TRIM33: variants seen among roughly 807,000 people sequenced by gnomAD.
The protein encoded by TRIM33 is tripartite motif containing 33, also known as E3 ubiquitin-protein ligase TRIM33.
In TRIM33, 20 loss-of-function variants were observed where a neutral mutation model predicts 125.4. The observed-to-expected ratio is 0.16, with a 90% CI of 0.11 to 0.23. The LOEUF (loss-of-function observed/expected upper bound fraction) is 0.23, where lower values mean the gene tolerates loss of function less well. TRIM33 is among the 10% of genes least tolerant of loss of function. The pLI, the probability that TRIM33 is intolerant of heterozygous loss-of-function variation, is 1.00. For missense variants in TRIM33, 920 were observed against 1,411.4 expected (o/e 0.65, Z 5.58); for synonymous variants, 564 against 513.9 (o/e 1.10, Z -1.32).
chr1:114,509,414 G>T (rs377397731), intron 1 of TRIM33, among the ~76,000 whole-genome samples: 1 of 152,188 alleles, frequency 6.6e-6, no homozygotes, highest in Non-Finnish European at 1.5e-5. Context: ...AAACATTAAC[G>T]TGTTTGATAG....
At chr1:114,499,593 G>C (rs1652588930) in intron 1 of TRIM33, among the ~76,000 whole-genome samples, 1 of 151,846 alleles carries the variant, frequency 6.6e-6, no homozygotes, top group Non-Finnish European at 1.5e-5. Context: ...ACAATACTAA[G>C]ATATAGTAAA....
intron 10 of TRIM33, among the ~76,000 whole-genome samples, chr1:114,423,148 C>A (rs2101150237): frequency 6.6e-6 from 1 of 152,258 alleles, no homozygotes; most frequent in South Asian, 2.1e-4. Flanking sequence ...CATGTAAACA[C>A]ACCCATTTTG....
intron 4 of TRIM33, among the ~76,000 whole-genome samples, chr1:114,436,610 A>G (rs143489535): frequency 0.026 from 3,919 of 151,956 alleles, 87 homozygotes; most frequent in Non-Finnish European, 0.034. Context: ...GACTACAGAC[A>G]TACACCACCA....
chr1:114,493,060 C>A (rs1652162840), intron 1 of TRIM33, among the ~76,000 whole-genome samples: 1 of 152,174 alleles, frequency 6.6e-6, no homozygotes, highest in Non-Finnish European at 1.5e-5. Context: ...ACATCCTTGC[C>A]AACACTTTGT....
At chr1:114,484,808 T>C (rs549027789) in intron 1 of TRIM33, among the ~76,000 whole-genome samples, 27 of 152,266 alleles carry the variant, frequency 1.8e-4, no homozygotes, top group Admixed American at 3.9e-4. Flanking sequence ...GAGGTTGCAG[T>C]GAGCCCACAT....
chr1:114,486,666 A>G lies in TRIM33; in HGVS notation c.527-22278T>C, dbSNP rs185364683. Among the ~76,000 whole-genome samples the G allele has an allele frequency of 3.5e-3, 528 of 152,068 alleles. 1 individual carries two copies. The highest frequency in any genetic ancestry group is 0.02 in the Middle Eastern group (6 of 294). On this transcript the variant is annotated intron_variant, in intron 1 of 19. Coordinates refer to ENST00000358465, the MANE Select transcript of TRIM33 (RefSeq NM_015906.4). ...GACCTTCAGGCAAAATCAAGAGACC[A>G]AAAGAAAAGAAAAGAAAAACAGAAC...
At chr1:114,423,359 T>C (rs909086600) in intron 10 of TRIM33, among the ~76,000 whole-genome samples, 2 of 152,138 alleles carry the variant, frequency 1.3e-5, no homozygotes, top group African/African-American at 4.8e-5. Flanking sequence ...GAAGTAGAAG[T>C]GTAATTCAAG....
At position 114,486,100 on chromosome 1, in the gene TRIM33, C is replaced by T. The variant is rs184991814; in HGVS notation, c.527-21712G>A. 2.9e-3 allele frequency among the ~76,000 whole-genome samples: 447 copies of T among 151,702 alleles called. 4 individuals are homozygous for T. Among genetic ancestry groups the T allele is most frequent in the African/African-American group, 0.01 (421 of 41,340 alleles). On this transcript the variant is annotated intron_variant, in intron 1 of 19. Transcript: ENST00000358465. ...GACCAGCCTGGCCAACACGGTGAAA[C>T]CCCCATCTCTACTAAAAATACAAAA...
At chr1:114,401,559 A>G (rs1360205772) in intron 16 of TRIM33, 96 bp from the exon 17 acceptor site, 1 of 936,142 alleles carries the variant, frequency 1.1e-6, no homozygotes, top group Non-Finnish European at 1.6e-6. Context: ...GTTTGATTAC[A>G]ACAAACTGAA....
chr1:114,470,103 A>G (rs1470669417), intron 1 of TRIM33, among the ~76,000 whole-genome samples: 1 of 152,234 alleles, frequency 6.6e-6, no homozygotes, highest in Non-Finnish European at 1.5e-5. Context: ...TAAACTAAGT[A>G]TAACTAATAT....
At chr1:114,472,506 G>A (rs1002301829) in intron 1 of TRIM33, among the ~76,000 whole-genome samples, 1 of 152,206 alleles carries the variant, frequency 6.6e-6, no homozygotes, top group African/African-American at 2.4e-5. Context: ...CCAGAGGCGG[G>A]CAGATCGCTT....
intron 4 of TRIM33, among the ~76,000 whole-genome samples, chr1:114,460,710 G>A (rs945894248): frequency 6.7e-6 from 1 of 149,982 alleles, no homozygotes. Context: ...CCCTTCTCCA[G>A]CCTTACTAGG....
At chr1:114,404,959 C>CT (rs1652142004) in intron 15 of TRIM33, 2 of 152,394 alleles carry the variant, frequency 1.3e-5, no homozygotes, top group Non-Finnish European at 2.9e-5. Context: ...TTTATGGTCT[C>CT]TGAAATCAAG....
rs1652190709 is a variant in TRIM33, at chr1:114,405,730, T to C, written c.2448A>G (p.Pro816=). The C allele has an allele frequency of 6.2e-7, 1 of 1,613,830 alleles. No individual in the cohort carries two copies. Among genetic ancestry groups the C allele is most frequent in the African/African-American group, 1.3e-5 (1 of 74,910 alleles). The change falls in exon 15 of 20, where the codon CCA becomes CCG. Residue 816 remains proline, a synonymous_variant. Coordinates refer to ENST00000358465, the MANE Select transcript of TRIM33 (RefSeq NM_015906.4). Reference sequence around the variant, plus strand: ...CTAGATGCAGGTTGGTTGAGAGAGGTGGTGTCAAGCTACTCTCAGGACTGC... The same window carrying C: ...CTAGATGCAGGTTGGTTGAGAGAGGCGGTGTCAAGCTACTCTCAGGACTGC... ...MLSSPESSLT[P]PLSTNLHLES...
intron 1 of TRIM33, among the ~76,000 whole-genome samples, chr1:114,490,559 CAT>C (rs1306665980): frequency 1.3e-5 from 2 of 152,130 alleles, no homozygotes; most frequent in Non-Finnish European, 2.9e-5. Context: ...GAAATGAAAA[CAT>C]ATGTTCACAT....
intron 1 of TRIM33, among the ~76,000 whole-genome samples, chr1:114,481,675 GTATATA>G (rs34435178): frequency 2.7e-5 from 4 of 147,636 alleles, no homozygotes; most frequent in Non-Finnish European, 6.0e-5. Context: ...ATATATGTGT[GTATATA>G]TATATATATG....
At chr1:114,402,952 T>C in intron 15 of TRIM33, 69 bp from the exon 16 acceptor site, 1 of 1,409,920 alleles carries the variant, frequency 7.1e-7, no homozygotes, top group Admixed American at 2.5e-5. Context: ...GCTACTTCCC[T>C]GGACTGGGGC....
chr1:114,448,457 G>A (rs1231448628), intron 4 of TRIM33, among the ~76,000 whole-genome samples: 1 of 152,184 alleles, frequency 6.6e-6, no homozygotes, highest in African/African-American at 2.4e-5. Context: ...GTCTACTTGA[G>A]GGAAGTGGTC....
Position 114,397,592 on chromosome 1 carries a change from T to G in TRIM33, c.*56A>C. 1.2e-5 allele frequency: 13 copies of G among 1,042,956 alleles called. No homozygotes were observed. Among genetic ancestry groups the G allele is most frequent in the East Asian group, 2.8e-5 (1 of 35,846 alleles). 64.6% of individuals were successfully genotyped at this position (1,042,956 alleles called of 1,614,324 possible). ...AAAAGTTTTCTGGGTTTTTTGTGTT[T>G]TTTTTTTTTTTTTCGTTTTTTTTTT... On this transcript the variant is annotated 3_prime_UTR_variant, in exon 20 of 20. Transcript: ENST00000358465.
Sources: gnomAD v4.1 joint callset for allele counts (sites outside exome capture counted in the v4.1 genomes callset) on GRCh38, gnomAD v4.1.1 for gene constraint, MANE v1.5 for transcripts, NCBI Gene and HGNC (gene_info 2026-07-23, HGNC 2026-07-21) for gene names.